MYO5A: variants seen among roughly 807,000 people sequenced by gnomAD.
The protein encoded by MYO5A is unconventional myosin-Va.
MYO5A carries 98 observed loss-of-function variants against 249.7 expected under a neutral mutation model. The observed-to-expected ratio is 0.39, with a 90% confidence interval of 0.33 to 0.46. The LOEUF (loss-of-function observed/expected upper bound fraction) is 0.46, where lower values mean the gene tolerates loss of function less well. Ranked by LOEUF, MYO5A falls within the 20% of genes least tolerant of loss-of-function variation. MYO5A has a pLI of 0.98. For missense variants in MYO5A, 1,696 were observed against 2,308.8 expected (o/e 0.73, Z 5.44); for synonymous variants, 778 against 810.6 (o/e 0.96, Z 0.68).
intron 1 of MYO5A, among the ~76,000 whole-genome samples, chr15:52,524,013 G>A (rs1391082711): frequency 6.6e-6 from 1 of 152,210 alleles, no homozygotes; most frequent in East Asian, 1.9e-4. Flanking sequence ...AAAAATCTAG[G>A]CCATGTGGCT....
Position 52,451,392 on chromosome 15 carries a change from C to A in MYO5A, c.28-18107G>T, listed in dbSNP as rs571169402. Among the ~76,000 whole-genome samples, 38 of 152,280 alleles carry A rather than the reference C, an allele frequency of 2.5e-4. 1 individual carries two copies. In the South Asian group the frequency reaches 7.9e-3, roughly 32 times the overall value. On this transcript the variant is annotated intron_variant, in intron 1 of 41. Coordinates refer to ENST00000399233, the MANE Select transcript of MYO5A (RefSeq NM_001382347.1). Reference sequence around the variant, plus strand: ...AAATAGTTCTCTATCAAGCTTTCCTCCCCCAACTCTCTATTCAGCAGCCAG... The same window carrying A: ...AAATAGTTCTCTATCAAGCTTTCCTACCCCAACTCTCTATTCAGCAGCCAG...
At chr15:52,494,751 C>T (rs895805093) in intron 1 of MYO5A, among the ~76,000 whole-genome samples, 3 of 152,174 alleles carry the variant, frequency 2.0e-5, no homozygotes, top group Non-Finnish European at 4.4e-5. Flanking sequence ...CTTTGGCCTC[C>T]CAAAGTGCTG....
chr15:52,528,908 AGCAGG>A (rs1337705114), upstream of MYO5A: 11 of 1,185,112 alleles, frequency 9.3e-6, no homozygotes, highest in South Asian at 2.3e-5. Context: ...GCCGGCAGGG[AGCAGG>A]GCAGGGCAGG....
intron 11 of MYO5A, 58 bp from the exon 12 acceptor site, chr15:52,392,128 T>A: frequency 6.6e-7 from 1 of 1,505,836 alleles, no homozygotes; most frequent in Non-Finnish European, 9.1e-7. Context: ...AAGAATGTAG[T>A]CAAGATGATA....
chr15:52,410,245 C>T (rs956573038), intron 6 of MYO5A, 88 bp downstream of exon 6: 1 of 1,427,392 alleles, frequency 7.0e-7, no homozygotes, highest in Admixed American at 1.7e-5. Context: ...TCAAGAGTAT[C>T]TTGAAATAAA....
chr15:52,332,723 G>A (rs1205051613), intron 34 of MYO5A, among the ~76,000 whole-genome samples: 2 of 152,122 alleles, frequency 1.3e-5, no homozygotes, highest in African/African-American at 2.4e-5. Flanking sequence ...GAGCACTTTG[G>A]GAGGCCAAGG....
rs2290334 is a variant in MYO5A at position 52,323,515 on chromosome 15, T to C, written c.4711-71A>G. On this transcript the variant is annotated intron_variant, in intron 36 of 41. Transcript: ENST00000399233. ...AACAACCTAAAAAAAATTGAACAGA[T>C]ACCAAAAGACCCATTTCTTTCAGTT... 173,546 of 1,080,436 alleles carry C rather than the reference T, an allele frequency of 0.16. 14,552 individuals are homozygous for C. Among genetic ancestry groups the C allele is most frequent in the Middle Eastern group, 0.2 (986 of 4,914 alleles). The allele number at this position is 1,080,436 out of a possible 1,614,324, so 66.9% of individuals were successfully genotyped here.
intron 1 of MYO5A, among the ~76,000 whole-genome samples, chr15:52,471,414 G>A (rs924625019): frequency 2.6e-5 from 4 of 151,976 alleles, no homozygotes; most frequent in Non-Finnish European, 4.4e-5. Context: ...GACCAGCCTC[G>A]GCAACATAGT....
rs138592051 is a variant in MYO5A at position 52,436,319 on chromosome 15, C to T, written c.28-3034G>A. 4.9e-4 allele frequency among the ~76,000 whole-genome samples: 74 copies of T among 152,324 alleles called. 1 individual carries two copies. The East Asian group carries it at 7.1e-3, about 15-fold the overall frequency. The stretch of plus-strand genomic sequence containing the variant: ...TTCCTTCCCCTGCCAACCTCTAAGC[C>T]GGCACTATGCAGATCTTATTTTAGT... On this transcript the variant is annotated intron_variant, in intron 1 of 41. Coordinates refer to ENST00000399233, the MANE Select transcript of MYO5A (RefSeq NM_001382347.1).
chr15:52,405,413 G>A lies in MYO5A; in HGVS notation c.947-20C>T, dbSNP rs373915139. Reference sequence around the variant, plus strand: ...TAATTCCTGAAACAAGAGAGTGAATGAACAAGTGATTAATTTCAGAATAGA... The same window carrying A: ...TAATTCCTGAAACAAGAGAGTGAATAAACAAGTGATTAATTTCAGAATAGA... On this transcript the variant is annotated intron_variant, in intron 8 of 41. Transcript: ENST00000399233. 6.6e-7 allele frequency: 1 copy of A among 1,519,998 alleles called. No homozygotes were observed. Among genetic ancestry groups the A allele is most frequent in the African/African-American group, 1.4e-5 (1 of 72,888 alleles). The allele number at this position is 1,519,998 out of a possible 1,614,324, so 94.2% of individuals were successfully genotyped here.
intron 18 of MYO5A, among the ~76,000 whole-genome samples, chr15:52,377,154 T>C (rs541406805): frequency 6.2e-4 from 94 of 152,288 alleles, no homozygotes; most frequent in African/African-American, 2.2e-3. Flanking sequence ...CCGGGTGTAG[T>C]GGCTCACGTG....
chr15:52,515,643 T>C (rs886762662), intron 1 of MYO5A, among the ~76,000 whole-genome samples: 2 of 152,140 alleles, frequency 1.3e-5, no homozygotes, highest in South Asian at 2.1e-4. Context: ...TAGGGTAGTA[T>C]GAAGAAGGAG....
chr15:52,346,901 G>C (rs1229392138), intron 29 of MYO5A, among the ~76,000 whole-genome samples: 1 of 151,820 alleles, frequency 6.6e-6, no homozygotes, highest in East Asian at 1.9e-4. Flanking sequence ...ACAATGAGCA[G>C]ATGCCCCAAA....
At chr15:52,490,658 T>C (rs766892391) in intron 1 of MYO5A, among the ~76,000 whole-genome samples, 6 of 152,138 alleles carry the variant, frequency 3.9e-5, no homozygotes, top group Non-Finnish European at 8.8e-5. Flanking sequence ...GTTTAATGGG[T>C]ACAGGGATAT....
At chr15:52,345,641 C>G (rs2039585710) in intron 30 of MYO5A, among the ~76,000 whole-genome samples, 1 of 151,538 alleles carries the variant, frequency 6.6e-6, no homozygotes. Flanking sequence ...TGTACATGTT[C>G]AGTACAAATG....
chr15:52,504,286 C>T (rs920606113), intron 1 of MYO5A, among the ~76,000 whole-genome samples: 2 of 152,120 alleles, frequency 1.3e-5, no homozygotes, highest in Non-Finnish European at 2.9e-5. Flanking sequence ...TTGCCTCTGT[C>T]ATGTTCAGGT....
chr15:52,480,367 T>C (rs1473041009), intron 1 of MYO5A, among the ~76,000 whole-genome samples: 1 of 152,214 alleles, frequency 6.6e-6, no homozygotes, highest in Non-Finnish European at 1.5e-5. Flanking sequence ...AACCCGTAAC[T>C]ATTTCAAATC....
intron 9 of MYO5A, among the ~76,000 whole-genome samples, chr15:52,402,664 G>C (rs990768084): frequency 2.6e-5 from 4 of 152,014 alleles, no homozygotes; most frequent in Non-Finnish European, 4.4e-5. Flanking sequence ...GGCCAACATG[G>C]TGAAACCCTG....
chr15:52,466,718 G>A (rs2076361303), intron 1 of MYO5A, among the ~76,000 whole-genome samples: 1 of 152,148 alleles, frequency 6.6e-6, no homozygotes, highest in African/African-American at 2.4e-5. Flanking sequence ...CTGAGTGCAG[G>A]CCTAGCTAAC....
Sources: allele counts gnomAD v4.1 joint callset (sites outside exome capture counted in the v4.1 genomes callset), GRCh38; gene constraint gnomAD v4.1.1; transcripts MANE v1.5; gene names NCBI Gene and HGNC (gene_info 2026-07-23, HGNC 2026-07-21).